Variants in QKI observed in about 807,000 individuals in gnomAD.
QKI encodes the protein KH domain-containing RNA-binding protein QKI.
In QKI, 10 loss-of-function variants were observed where a neutral mutation model predicts 39.0. That is an observed-to-expected ratio of 0.26 (90% CI 0.16 to 0.43). The LOEUF (loss-of-function observed/expected upper bound fraction) is 0.43, where lower values mean the gene tolerates loss of function less well. Ranked by LOEUF, QKI falls within the 20% of genes least tolerant of loss-of-function variation. The pLI is 1.00. For missense variants in QKI, 218 were observed against 428.0 expected, an observed-to-expected ratio of 0.51 and a Z score of 4.33; for synonymous variants, 204 against 155.4, an observed-to-expected ratio of 1.31 and a Z score of -2.33.
chr6:163,466,333 C>T (rs1367238240), intron 2 of QKI, among the ~76,000 whole-genome samples: 1 of 152,112 alleles, frequency 6.6e-6, no homozygotes, highest in East Asian at 1.9e-4. Flanking sequence ...CCAAAGCAAT[C>T]TATAGATCCA....
intron 4 of QKI, among the ~76,000 whole-genome samples, chr6:163,556,436 G>A (rs1290191437): frequency 2.1e-5 from 3 of 141,302 alleles, no homozygotes. Flanking sequence ...CCCAGGAGGC[G>A]AAGTTGCAGT....
intron 2 of QKI, among the ~76,000 whole-genome samples, chr6:163,466,177 A>T (rs1445540033): frequency 6.6e-6 from 1 of 152,094 alleles, no homozygotes; most frequent in Non-Finnish European, 1.5e-5. Flanking sequence ...GGAAAGAATA[A>T]TATAATTAGA....
intron 7 of QKI, chr6:163,567,359 G>A: frequency 1.0e-6 from 1 of 985,124 alleles, no homozygotes. Context: ...TAACTTTCAT[G>A]TAGTTGGATT....
chr6:163,512,880 A>G (rs1282088933), intron 3 of QKI, among the ~76,000 whole-genome samples: 1 of 152,168 alleles, frequency 6.6e-6, no homozygotes, highest in East Asian at 1.9e-4. Context: ...GCATCTGGAA[A>G]GAACAGTAGA....
At chr6:163,493,194 A>G (rs1290827616) in intron 3 of QKI, among the ~76,000 whole-genome samples, 1 of 149,378 alleles carries the variant, frequency 6.7e-6, no homozygotes, top group African/African-American at 2.5e-5. Context: ...GGCATTGGGC[A>G]ATCTTGGCCC....
intron 3 of QKI, among the ~76,000 whole-genome samples, chr6:163,520,906 A>G (rs1273841906): frequency 1.3e-5 from 2 of 152,200 alleles, no homozygotes; most frequent in Non-Finnish European, 2.9e-5. Flanking sequence ...TTAATGAAAG[A>G]TTGGAAGAAA....
intron 2 of QKI, among the ~76,000 whole-genome samples, chr6:163,469,327 A>G (rs1393444877): frequency 1.3e-5 from 2 of 152,116 alleles, no homozygotes; most frequent in Non-Finnish European, 2.9e-5. Context: ...GTCAAAACCA[A>G]TTACATATTA....
At chr6:163,526,864 T>G (rs1197475029) in intron 3 of QKI, among the ~76,000 whole-genome samples, 2 of 152,162 alleles carry the variant, frequency 1.3e-5, no homozygotes, top group African/African-American at 2.4e-5. Context: ...AAATTTAGTT[T>G]AGACATAAAG....
chr6:163,524,782 A>G (rs749289399), intron 3 of QKI, among the ~76,000 whole-genome samples: 4 of 152,164 alleles, frequency 2.6e-5, no homozygotes, highest in East Asian at 1.9e-4. Context: ...TTTATTTTCT[A>G]CGATCATCTA....
intron 1 of QKI, among the ~76,000 whole-genome samples, chr6:163,439,345 T>G (rs1485769766): frequency 1.3e-5 from 2 of 148,708 alleles, no homozygotes; most frequent in African/African-American, 2.5e-5. Context: ...TTTTTGTTTT[T>G]TTTTTTTTTC....
chr6:163,513,145 C>T (rs888636599), intron 3 of QKI, among the ~76,000 whole-genome samples: 21 of 152,040 alleles, frequency 1.4e-4, no homozygotes, highest in Middle Eastern at 3.2e-3. Context: ...TAGGAAAAAA[C>T]GTAGTGTATA....
chr6:163,499,023 G>A (rs1778582727), intron 3 of QKI, among the ~76,000 whole-genome samples: 1 of 152,210 alleles, frequency 6.6e-6, no homozygotes, highest in Non-Finnish European at 1.5e-5. Context: ...TTTTGTGCAC[G>A]AAACAAAGTT....
intron 7 of QKI, chr6:163,568,842 G>A: frequency 3.0e-6 from 3 of 985,740 alleles, no homozygotes; most frequent in Non-Finnish European, 3.6e-6. Context: ...GAGACCAACT[G>A]ACCTTTTAGT....
At chr6:163,488,052 G>GC (rs1290146213) in intron 3 of QKI, among the ~76,000 whole-genome samples, 10 of 152,004 alleles carry the variant, frequency 6.6e-5, no homozygotes, top group East Asian at 1.9e-4. Context: ...GTGTTTCCCT[G>GC]CCCCCCGCCT....
In QKI at chr6:163,415,142, T is replaced by TA. The variant is rs1787325970; in HGVS notation, c.-52_-51insA. Reference sequence around the variant, plus strand: ...GGCTCGCCCCCGCCCCTCCCTCCTCTCCGGCGGCGGCGGCGGCGGCGGCGG... The same window carrying TA: ...GGCTCGCCCCCGCCCCTCCCTCCTCTACCGGCGGCGGCGGCGGCGGCGGCGG... On this transcript the variant is annotated 5_prime_UTR_variant, in exon 1 of 8. Coordinates refer to ENST00000361752, the MANE Select transcript of QKI (RefSeq NM_006775.3). 1.3e-5 allele frequency: 18 copies of TA among 1,347,278 alleles called. No individual in the cohort carries two copies. Among genetic ancestry groups the TA allele is most frequent in the Non-Finnish European group, 1.5e-5 (15 of 1,027,946 alleles). 83.5% of individuals were successfully genotyped at this position (1,347,278 alleles called of 1,614,324 possible).
intron 7 of QKI, chr6:163,567,991 A>ACGTTGAAG: frequency 2.0e-6 from 2 of 985,598 alleles, no homozygotes; most frequent in Non-Finnish European, 1.2e-6. Context: ...TCCATAAAGA[A>ACGTTGAAG]CGTTGAAGAC....
chr6:163,571,710 C>A lies in QKI; in HGVS notation c.*1000C>A, dbSNP rs571942374. ...TTGGAAATGTAGCATTTTATACTTT[C>A]AAGTGTTATAAAAAAAAAGAAAAAG... On this transcript the variant is annotated 3_prime_UTR_variant, in exon 8 of 8. Coordinates refer to ENST00000361752, the MANE Select transcript of QKI (RefSeq NM_006775.3). 8.1e-5 allele frequency: 7 copies of A among 86,328 alleles called. No individual in the cohort carries two copies. The highest frequency in any genetic ancestry group is 1.3e-4 in the Admixed American group (1 of 7,660). The allele number at this position is 86,328 out of a possible 1,614,324, so 5.3% of individuals were successfully genotyped here. A position where few individuals can be genotyped will look rare whatever the true frequency, so the allele number is the denominator to read the frequency against.
At chr6:163,468,003 A>G (rs994214289) in intron 2 of QKI, among the ~76,000 whole-genome samples, 4 of 152,174 alleles carry the variant, frequency 2.6e-5, no homozygotes, top group Admixed American at 2.6e-4. Context: ...ATTTTTAATT[A>G]AAAACAGTTG....
rs1305402871 is a variant in QKI, at chr6:163,563,467, A to T, written c.682A>T (p.Ile228Phe). The T allele has an allele frequency of 1.4e-5, 22 of 1,613,858 alleles. No individual in the cohort carries two copies. Among genetic ancestry groups the T allele is most frequent in the Non-Finnish European group, 1.8e-5 (21 of 1,179,934 alleles). Residue 228 changes from isoleucine to phenylalanine, a missense_variant, in exon 6 of 8, where the codon ATC becomes TTC. Ile to Phe is a conservative substitution (Grantham distance 21). Transcript: ENST00000361752. The stretch of plus-strand genomic sequence containing the variant: ...AGCAACAGCCCAGGCTGCTCCAAGG[A>T]TCATTACTGGGCCTGCGCCGGTTCT... ...LAATAQAAPRIITGPAPVLPP... is the reference protein window; with the variant it reads ...LAATAQAAPRFITGPAPVLPP...
Sources: allele counts gnomAD v4.1 joint callset (sites outside exome capture counted in the v4.1 genomes callset), GRCh38; gene constraint gnomAD v4.1.1; transcripts MANE v1.5; gene names NCBI Gene and HGNC (gene_info 2026-07-23, HGNC 2026-07-21).